The following SBF2 variants were observed in gnomAD, a reference collection of about 807,000 sequenced individuals.
SBF2 encodes SET binding factor 2, also known as myotubularin-related protein 13.
A neutral mutation model predicts 225.2 loss-of-function variants in SBF2; 112 were observed. That is an observed-to-expected ratio of 0.50 (90% confidence interval 0.43 to 0.58). The LOEUF is 0.58. SBF2 is among the 20% of genes least tolerant of loss of function. SBF2 has a pLI of 0.00. For synonymous variants in SBF2, 763 were observed against 773.3 expected (o/e 0.99, Z 0.22); for missense variants, 1,996 against 2,206.2 (o/e 0.90, Z 1.91).
Position 9,816,897 on chromosome 11 carries a change from G to A in SBF2, c.3921C>T (p.Asn1307=), listed in dbSNP as rs773378736. ...GGGCTGCTTGCCGTTTCAAGAGCTG[G>A]TTTTGTAGGTAGCTGCTGTTACTGA... ...ASFSNSSYLQ[N]QLLKRQAALY... is the part of the protein sequence containing the mutation. The change falls in exon 29 of 40, where the codon AAC becomes AAT. Residue 1307 remains asparagine, a synonymous_variant. Transcript: ENST00000256190. 5 of 1,614,052 alleles carry A rather than the reference G, an allele frequency of 3.1e-6. No homozygotes were observed. In the African/African-American group the frequency reaches 6.7e-5, roughly 22 times the overall value.
chr11:10,227,250 A>T (rs1228097941), intron 1 of SBF2, among the ~76,000 whole-genome samples: 1 of 151,844 alleles, frequency 6.6e-6, no homozygotes, highest in East Asian at 1.9e-4. Flanking sequence ...GGTTGCAAAA[A>T]TTTTCTCCCA....
intron 6 of SBF2, 88 bp from the exon 7 acceptor site, chr11:10,002,777 G>C: frequency 7.6e-7 from 1 of 1,317,902 alleles, no homozygotes; most frequent in Non-Finnish European, 1.1e-6. Flanking sequence ...GAAAGAAAAA[G>C]CCAGTAATTT....
intron 2 of SBF2, among the ~76,000 whole-genome samples, chr11:10,132,246 T>A (rs1286768490): frequency 1.3e-5 from 2 of 152,156 alleles, no homozygotes; most frequent in Non-Finnish European, 2.9e-5. Flanking sequence ...CAAATATATA[T>A]ATTTGGTTTC....
chr11:10,134,373 C>T (rs531927617), intron 2 of SBF2, among the ~76,000 whole-genome samples: 1 of 152,090 alleles, frequency 6.6e-6, no homozygotes, highest in African/African-American at 2.4e-5. Flanking sequence ...CCTGGCCCCC[C>T]CCAAACCTCA....
chr11:10,059,229 T>C (rs1296839679), intron 2 of SBF2, among the ~76,000 whole-genome samples: 1 of 152,048 alleles, frequency 6.6e-6, no homozygotes, highest in Non-Finnish European at 1.5e-5. Flanking sequence ...TGGATAAAGC[T>C]GGATAAAAAC....
intron 1 of SBF2, among the ~76,000 whole-genome samples, chr11:10,234,049 C>T (rs1041604068): frequency 6.6e-6 from 1 of 152,198 alleles, no homozygotes; most frequent in Non-Finnish European, 1.5e-5. Context: ...TGATTTAATA[C>T]TGACACATCA....
chr11:10,082,202 T>G (rs762778354), intron 2 of SBF2, among the ~76,000 whole-genome samples: 1 of 152,088 alleles, frequency 6.6e-6, no homozygotes, highest in Non-Finnish European at 1.5e-5. Context: ...AATTATGAAT[T>G]GACTAATAAT....
intron 14 of SBF2, among the ~76,000 whole-genome samples, chr11:9,967,702 G>A (rs924670188): frequency 3.3e-5 from 5 of 152,112 alleles, no homozygotes; most frequent in Non-Finnish European, 2.9e-5. Context: ...GATCACCTGA[G>A]GTCGGGAGTT....
intron 2 of SBF2, among the ~76,000 whole-genome samples, chr11:10,099,863 TAGAA>T (rs1190572572): frequency 6.6e-6 from 1 of 151,136 alleles, no homozygotes; most frequent in African/African-American, 2.4e-5. Context: ...AAACAACAAA[TAGAA>T]AGAAATCAAA....
intron 6 of SBF2, among the ~76,000 whole-genome samples, chr11:10,022,832 G>A (rs1252088045): frequency 6.6e-6 from 1 of 152,136 alleles, no homozygotes; most frequent in Non-Finnish European, 1.5e-5. Context: ...TTGACTAAGA[G>A]AGTTTCCAAC....
intron 16 of SBF2, chr11:9,959,727 T>C (rs1388374825): frequency 4.4e-6 from 3 of 685,614 alleles, no homozygotes; most frequent in South Asian, 1.4e-5. Flanking sequence ...CACCCTGAGG[T>C]AGGGACATGT....
intron 1 of SBF2, among the ~76,000 whole-genome samples, chr11:10,256,707 AC>A (rs1316031691): frequency 6.6e-6 from 1 of 152,068 alleles, no homozygotes; most frequent in African/African-American, 2.4e-5. Flanking sequence ...TCATACTGTC[AC>A]CCCTATACAC....
chr11:9,833,805 CTG>C (rs1193552164), intron 26 of SBF2, among the ~76,000 whole-genome samples: 2 of 142,116 alleles, frequency 1.4e-5, no homozygotes, highest in African/African-American at 5.2e-5. Flanking sequence ...TGGAGTTTCA[CTG>C]TTGCCCAGGC....
chr11:10,110,995 C>G (rs2044145), intron 2 of SBF2, among the ~76,000 whole-genome samples: 5 of 152,150 alleles, frequency 3.3e-5, no homozygotes, highest in South Asian at 4.1e-4. Flanking sequence ...TATACACATA[C>G]GACCACATTA....
chr11:10,138,215 G>A (rs1052900325), intron 2 of SBF2, among the ~76,000 whole-genome samples: 1 of 152,064 alleles, frequency 6.6e-6, no homozygotes, highest in African/African-American at 2.4e-5. Context: ...GTTGCAGCAG[G>A]TTGTGCTTTT....
chr11:9,813,716 C>T (rs1854313977), intron 29 of SBF2, among the ~76,000 whole-genome samples: 1 of 152,132 alleles, frequency 6.6e-6, no homozygotes, highest in African/African-American at 2.4e-5. Flanking sequence ...CTGAGGCAGA[C>T]AGATTACCTG....
rs1405349198 is a variant in SBF2 at position 10,133,491 on chromosome 11, G to A, written c.141+60411C>T. Among the ~76,000 whole-genome samples, 38 of 137,712 alleles carry A rather than the reference G, an allele frequency of 2.8e-4. 4 individuals carry two copies. The highest frequency in any genetic ancestry group is 6.7e-4 in the East Asian group (3 of 4,458). 90.3% of individuals were successfully genotyped at this position (137,712 alleles called of 152,430 possible). On this transcript the variant is annotated intron_variant, in intron 2 of 39. Transcript: ENST00000256190. ...GGCCCAGCGAGAAATCGAACGCAGTGCCGGTGGGCCAGCACTGCTGGGGGA... is the reference window on the plus strand; with the variant it reads ...GGCCCAGCGAGAAATCGAACGCAGTACCGGTGGGCCAGCACTGCTGGGGGA...
chr11:9,970,758 G>A (rs1867279208), intron 13 of SBF2, among the ~76,000 whole-genome samples: 1 of 152,264 alleles, frequency 6.6e-6, no homozygotes, highest in Admixed American at 6.5e-5. Flanking sequence ...CTCCTCAGAA[G>A]GTGAAATCAG....
chr11:10,132,657 A>G (rs1245197281), intron 2 of SBF2, among the ~76,000 whole-genome samples: 1 of 148,906 alleles, frequency 6.7e-6, no homozygotes, highest in Non-Finnish European at 1.5e-5. Context: ...GGACCCAAAG[A>G]GTGAGCAGTA....
Sources: gnomAD v4.1 joint callset for allele counts (sites outside exome capture counted in the v4.1 genomes callset) on GRCh38, gnomAD v4.1.1 for gene constraint, MANE v1.5 for transcripts, NCBI Gene and HGNC (gene_info 2026-07-23, HGNC 2026-07-21) for gene names.